Variants in GLDC observed in about 807,000 individuals in gnomAD.
GLDC encodes glycine dehydrogenase (decarboxylating), mitochondrial.
In GLDC, 104 loss-of-function variants were observed where a neutral mutation model predicts 121.3. The observed-to-expected ratio is 0.86, with a 90% CI of 0.73 to 1.01. GLDC has a LOEUF of 1.01. Among genes scored for constraint, GLDC ranks in the 50% least tolerant of loss-of-function variants. The probability of loss-of-function intolerance (pLI) is 0.00; values close to 1 mark genes in which losing one functional copy is unlikely to be tolerated. For missense variants in GLDC, 1,429 were observed against 1,306.6 expected (o/e 1.09, Z -1.44); for synonymous variants, 546 against 480.6 (o/e 1.14, Z -1.78).
At chr9:6,599,585 G>T (rs1427851612) in intron 8 of GLDC, among the ~76,000 whole-genome samples, 1 of 151,980 alleles carries the variant, frequency 6.6e-6, no homozygotes, top group African/African-American at 2.4e-5. Context: ...GTTGGGCATG[G>T]TGGCAGGCGC....
At position 6,536,189 on chromosome 9, in the gene GLDC, C is replaced by T; in HGVS notation, c.2713G>A (p.Val905Met). The T allele has an allele frequency of 6.2e-7, 1 of 1,614,058 alleles. No individual in the cohort carries two copies. The highest frequency in any genetic ancestry group is 1.1e-5 in the South Asian group (1 of 91,046). ...TTGTCCTCCGACTCAGTGGGCTCCA[C>T]CATGAGGGTCCCTGCCACAGGCCAG... ...MSWPVAGTLM[V>M]EPTESEDKAE... The change falls in exon 23 of 25, where the codon GTG becomes ATG. Residue 905 changes from valine to methionine, a missense_variant. By Grantham distance (21) the Val-to-Met change is conservative. Transcript: ENST00000321612.
chr9:6,619,678 A>G (rs2129946927), intron 3 of GLDC, among the ~76,000 whole-genome samples: 1 of 152,296 alleles, frequency 6.6e-6, no homozygotes, highest in East Asian at 1.9e-4. Context: ...CAGTGAGCCA[A>G]GATCACACCA....
chr9:6,627,095 A>G (rs1819259018), intron 2 of GLDC, among the ~76,000 whole-genome samples: 1 of 152,164 alleles, frequency 6.6e-6, no homozygotes, highest in Non-Finnish European at 1.5e-5. Flanking sequence ...GGAGATCGAG[A>G]CCATCCTGGC....
chr9:6,607,654 G>A (rs983938489), intron 4 of GLDC, among the ~76,000 whole-genome samples: 1 of 151,362 alleles, frequency 6.6e-6, no homozygotes. Context: ...TTTATTTTTG[G>A]TGGGGGGAGA....
At chr9:6,565,781 T>A in intron 15 of GLDC, 1 of 507,726 alleles carries the variant, frequency 2.0e-6, no homozygotes, top group South Asian at 2.8e-5. Context: ...CTACGACGTG[T>A]GTGTCAGCCA....
At chr9:6,633,326 C>A (rs180958446) in intron 2 of GLDC, among the ~76,000 whole-genome samples, 1 of 152,154 alleles carries the variant, frequency 6.6e-6, no homozygotes, top group African/African-American at 2.4e-5. Flanking sequence ...TCCCCACACT[C>A]CATCCCTGGG....
Position 6,604,513 on chromosome 9 carries a change from A to T in GLDC, c.1058+75T>A, listed in dbSNP as rs139239113. On this transcript the variant is annotated intron_variant, in intron 7 of 24. Coordinates refer to ENST00000321612, the MANE Select transcript of GLDC (RefSeq NM_000170.3). Reference sequence around the variant, plus strand: ...CATGGCCCAGTTGAATTCAGATAGAAATCAACATTTGTGATCAGAAGAAAT... The same window carrying T: ...CATGGCCCAGTTGAATTCAGATAGATATCAACATTTGTGATCAGAAGAAAT... 8,104 of 1,336,314 alleles carry T rather than the reference A, an allele frequency of 6.1e-3. 42 individuals are homozygous for T. Among genetic ancestry groups the T allele is most frequent in the Middle Eastern group, 7.7e-3 (30 of 3,898 alleles). The allele number at this position is 1,336,314 out of a possible 1,614,324, so 82.8% of individuals were successfully genotyped here.
chr9:6,623,395 G>T (rs1819159359), intron 2 of GLDC, among the ~76,000 whole-genome samples: 1 of 147,074 alleles, frequency 6.8e-6, no homozygotes, highest in South Asian at 2.2e-4. Flanking sequence ...GATGTGCTTT[G>T]TTAAACAGAT....
chr9:6,586,601 CCTT>C (rs1217683815), intron 15 of GLDC, among the ~76,000 whole-genome samples: 3 of 152,184 alleles, frequency 2.0e-5, no homozygotes, highest in Non-Finnish European at 4.4e-5. Flanking sequence ...TGTGCTTGAT[CCTT>C]CTTCTTATGC....
At chr9:6,547,892 G>A (rs1478708903) in intron 21 of GLDC, among the ~76,000 whole-genome samples, 1 of 152,172 alleles carries the variant, frequency 6.6e-6, no homozygotes, top group African/African-American at 2.4e-5. Flanking sequence ...CATTTTGGGA[G>A]GCCGAGGTGG....
At chr9:6,601,682 T>C (rs550964751) in intron 8 of GLDC, among the ~76,000 whole-genome samples, 104 of 152,320 alleles carry the variant, frequency 6.8e-4, no homozygotes, top group Non-Finnish European at 1.2e-3. Context: ...TGGAGTGCAG[T>C]GGCATAATCA....
chr9:6,638,234 C>A (rs1487732100), intron 2 of GLDC, among the ~76,000 whole-genome samples: 2 of 150,222 alleles, frequency 1.3e-5, no homozygotes, highest in Non-Finnish European at 3.0e-5. Flanking sequence ...TTTTTTGAGA[C>A]AGAGTCTCAC....
chr9:6,558,807 A>C, intron 16 of GLDC, 123 bp from the exon 17 acceptor site: 2 of 1,005,444 alleles, frequency 2.0e-6, no homozygotes, highest in Non-Finnish European at 3.1e-6. Context: ...TTTAGGCTGA[A>C]CACTAGTGCT....
At chr9:6,561,355 A>T (rs1817755146) in intron 16 of GLDC, among the ~76,000 whole-genome samples, 1 of 152,098 alleles carries the variant, frequency 6.6e-6, no homozygotes, top group Non-Finnish European at 1.5e-5. Flanking sequence ...CTCAGTTTAA[A>T]ATTGTAGTGT....
At position 6,592,891 on chromosome 9, in the gene GLDC, G is replaced by C; in HGVS notation, c.1361C>G (p.Ala454Gly). ...CSVKEVLGRA[A>G]QRQINFRLFE... is the part of the protein sequence containing the mutation. ...AAGCCGAAAATTGATCTGCCGCTGA[G>C]CGGCCCTGCCCAAGACCTCCTTCAC... The change falls in exon 10 of 25, where the codon GCT becomes GGT. Residue 454 changes from alanine (A) to glycine (G), a missense_variant. Coordinates refer to ENST00000321612, the MANE Select transcript of GLDC (RefSeq NM_000170.3). 6.2e-7 allele frequency: 1 copy of C among 1,613,996 alleles called. No homozygotes were observed.
chr9:6,645,437 G>A lies in GLDC; in HGVS notation c.63C>T (p.Arg21=). Residue 21 remains arginine (R), a synonymous_variant, in exon 1 of 25, where the codon CGC becomes CGT. Transcript: ENST00000321612. ...RLGRGVGGGR[R]LAGGSGPCWA... Reference sequence around the variant, plus strand: ...AGCACGGCCCCGATCCCCCAGCCAGGCGGCGGCCGCCCCCGACCCCGCGGC... The same window carrying A: ...AGCACGGCCCCGATCCCCCAGCCAGACGGCGGCCGCCCCCGACCCCGCGGC... 2 of 1,275,350 alleles carry A rather than the reference G, an allele frequency of 1.6e-6. No individual in the cohort carries two copies. The highest frequency in any genetic ancestry group is 3.1e-5 in the South Asian group (1 of 32,608). 79.0% of individuals were successfully genotyped at this position (1,275,350 alleles called of 1,614,324 possible). A position where few individuals can be genotyped will look rare whatever the true frequency, so the allele number is the denominator to read the frequency against.
intron 1 of GLDC, 23 bp from the exon 2 acceptor site, chr9:6,644,715 A>G (rs750516489): frequency 1.3e-6 from 2 of 1,538,652 alleles, no homozygotes; most frequent in South Asian, 2.2e-5. Context: ...CGCAAGGCAG[A>G]GGAAAGTGCC....
Position 6,558,302 on chromosome 9 carries a change from G to A in GLDC, c.2052+257C>T, listed in dbSNP as rs114466464. The A allele has an allele frequency of 5.4e-4, 325 of 605,154 alleles. No individual in the cohort carries two copies. The African/African-American group carries it at 5.7e-3, about 11-fold the overall frequency. 37.5% of individuals were successfully genotyped at this position (605,154 alleles called of 1,614,324 possible). On this transcript the variant is annotated intron_variant, in intron 17 of 24. Coordinates refer to ENST00000321612, the MANE Select transcript of GLDC (RefSeq NM_000170.3). ...GGAGAGGGAAGATTGGGCAGAAAGA[G>A]GCAGGCAGGTTCTGCAAGGAGTACT...
intron 5 of GLDC, chr9:6,606,191 C>T (rs917466009): frequency 2.1e-5 from 5 of 235,910 alleles, no homozygotes; most frequent in African/African-American, 9.5e-5. Context: ...CACCTGTAGT[C>T]CCAGCAACTC....
Sources: allele counts gnomAD v4.1 joint callset (sites outside exome capture counted in the v4.1 genomes callset), GRCh38; gene constraint gnomAD v4.1.1; transcripts MANE v1.5; gene names NCBI Gene and HGNC (gene_info 2026-07-23, HGNC 2026-07-21).